Variants in THSD4 observed in about 807,000 individuals in gnomAD.
The protein encoded by THSD4 is thrombospondin type-1 domain-containing protein 4.
Under a neutral mutation model 119.0 loss-of-function variants are expected in THSD4, and 69 were observed. That is an observed-to-expected ratio of 0.58 (90% CI 0.48 to 0.71). The LOEUF is 0.71. THSD4 is among the 30% of genes least tolerant of loss of function. THSD4 has a pLI of 0.00. For synonymous variants in THSD4, 524 were observed against 540.4 expected (o/e 0.97, Z 0.42); for missense variants, 1,393 against 1,391.1 (o/e 1.00, Z -0.02).
At chr15:71,240,838 CATAT>C (rs10692341) in intron 4 of THSD4, among the ~76,000 whole-genome samples, 1 of 137,058 alleles carries the variant, frequency 7.3e-6, no homozygotes, top group African/African-American at 2.7e-5. Context: ...CACACACACA[CATAT>C]ATACATATAT....
intron 6 of THSD4, among the ~76,000 whole-genome samples, chr15:71,377,016 A>C (rs879728379): frequency 1.3e-5 from 2 of 152,154 alleles, no homozygotes; most frequent in Non-Finnish European, 2.9e-5. Flanking sequence ...AGGGACCAAA[A>C]GGAGGTGGCC....
At chr15:71,153,890 AT>A (rs2040750278) in intron 2 of THSD4, among the ~76,000 whole-genome samples, 1 of 152,212 alleles carries the variant, frequency 6.6e-6, no homozygotes, top group South Asian at 2.1e-4. Flanking sequence ...GGGCATTTAA[AT>A]TAATTGACAA....
chr15:71,157,430 C>G (rs1338098386), intron 3 of THSD4, among the ~76,000 whole-genome samples: 1 of 151,782 alleles, frequency 6.6e-6, no homozygotes, highest in East Asian at 1.9e-4. Context: ...CTAGTCACCT[C>G]ATGCATTTAT....
intron 6 of THSD4, among the ~76,000 whole-genome samples, chr15:71,301,760 C>T (rs904672654): frequency 7.9e-5 from 12 of 152,048 alleles, no homozygotes; most frequent in South Asian, 6.2e-4. Flanking sequence ...TGCAGAGTTT[C>T]GAAGTTGAGT....
intron 7 of THSD4, among the ~76,000 whole-genome samples, chr15:71,608,177 C>T (rs1039723051): frequency 1.4e-5 from 2 of 146,688 alleles, no homozygotes; most frequent in African/African-American, 2.5e-5. Flanking sequence ...GAGCTGAGAT[C>T]GCGCCACTAT....
At chr15:71,309,828 C>T (rs1416158986) in intron 6 of THSD4, among the ~76,000 whole-genome samples, 1 of 152,208 alleles carries the variant, frequency 6.6e-6, no homozygotes, top group Admixed American at 6.5e-5. Context: ...AAAAGATATA[C>T]TTGACAGAGG....
At chr15:71,258,696 T>C (rs2044352283) in intron 6 of THSD4, among the ~76,000 whole-genome samples, 1 of 152,134 alleles carries the variant, frequency 6.6e-6, no homozygotes, top group South Asian at 2.1e-4. Context: ...AAGAGTGCAC[T>C]GGGTTAAATA....
intron 6 of THSD4, among the ~76,000 whole-genome samples, chr15:71,300,761 G>A (rs1247021444): frequency 1.3e-5 from 2 of 152,104 alleles, no homozygotes; most frequent in Non-Finnish European, 2.9e-5. Context: ...ATGAGAACTC[G>A]ATTAAGTTCC....
At chr15:71,190,474 G>T (rs958473671) in intron 3 of THSD4, among the ~76,000 whole-genome samples, 1 of 152,172 alleles carries the variant, frequency 6.6e-6, no homozygotes, top group Non-Finnish European at 1.5e-5. Flanking sequence ...TCTAAGGTAC[G>T]GTTAGGGCTG....
chr15:71,215,170 C>A lies in THSD4; in HGVS notation c.235C>A (p.Pro79Thr). 7.3e-7 allele frequency: 1 copy of A among 1,367,554 alleles called. No homozygotes were observed. Among genetic ancestry groups the A allele is most frequent in the Non-Finnish European group, 9.4e-7 (1 of 1,060,416 alleles). The allele number at this position is 1,367,554 out of a possible 1,614,324, so 84.7% of individuals were successfully genotyped here. A position where few individuals can be genotyped will look rare whatever the true frequency, so the allele number is the denominator to read the frequency against. Residue 79 changes from proline to threonine, a missense_variant, in exon 4 of 18, where the codon CCC becomes ACC. Coordinates refer to ENST00000261862, the MANE Select transcript of THSD4 (RefSeq NM_024817.3). ...CGGCGGCGTGATGGAGCAGACGCGG[C>A]CCTGCCTGCCCCGCTCCTACCGCCT... ...CSGGVMEQTR[P>T]CLPRSYRLRG... is the part of the protein sequence containing the mutation.
At chr15:71,134,692 C>T (rs911820345) in intron 1 of THSD4, among the ~76,000 whole-genome samples, 1 of 152,202 alleles carries the variant, frequency 6.6e-6, no homozygotes, top group Non-Finnish European at 1.5e-5. Context: ...CCTGAGGAAT[C>T]GCCACACTGA....
chr15:71,566,317 C>G (rs150532452), intron 7 of THSD4, among the ~76,000 whole-genome samples: 34 of 151,820 alleles, frequency 2.2e-4, no homozygotes. Context: ...GTAAAAATAC[C>G]CAGAAGTCTG....
intron 13 of THSD4, 32 bp from the exon 14 acceptor site, chr15:71,748,389 G>A (rs1240298643): frequency 9.9e-6 from 16 of 1,611,536 alleles, no homozygotes; most frequent in East Asian, 2.2e-5. Context: ...TGAAGCTGCT[G>A]GTTCCCCTGA....
intron 16 of THSD4, among the ~76,000 whole-genome samples, chr15:71,770,408 A>G (rs918422749): frequency 4.0e-5 from 6 of 151,052 alleles, no homozygotes; most frequent in African/African-American, 1.2e-4. Context: ...TAATCCCAGC[A>G]CTTTGGGAGG....
At chr15:71,161,716 AAAT>A (rs2043251752) in intron 3 of THSD4, among the ~76,000 whole-genome samples, 3 of 151,592 alleles carry the variant, frequency 2.0e-5, no homozygotes, top group Admixed American at 6.6e-5. Flanking sequence ...TATTTTTTTT[AAAT>A]TAGAGCATTT....
intron 7 of THSD4, among the ~76,000 whole-genome samples, chr15:71,520,398 G>A (rs1405348150): frequency 1.3e-5 from 2 of 152,184 alleles, no homozygotes; most frequent in Non-Finnish European, 2.9e-5. Flanking sequence ...TGGAGCCTAG[G>A]AGTGACTGCT....
At chr15:71,608,368 T>G (rs540804126) in intron 7 of THSD4, among the ~76,000 whole-genome samples, 1 of 152,120 alleles carries the variant, frequency 6.6e-6, no homozygotes, top group Non-Finnish European at 1.5e-5. Flanking sequence ...CTTTCTGGAT[T>G]ATATAAATTC....
At chr15:71,756,967 T>C (rs2053550634) in intron 14 of THSD4, among the ~76,000 whole-genome samples, 1 of 152,172 alleles carries the variant, frequency 6.6e-6, no homozygotes, top group Non-Finnish European at 1.5e-5. Context: ...TGGCTTTAAG[T>C]GAAGATTTTA....
chr15:71,427,940 T>C (rs929450927), intron 7 of THSD4, among the ~76,000 whole-genome samples: 2 of 152,058 alleles, frequency 1.3e-5, no homozygotes, highest in Non-Finnish European at 2.9e-5. Context: ...CCTGGTCCTC[T>C]TACCCAAGAG....
Sources: gnomAD v4.1 joint callset for allele counts (sites outside exome capture counted in the v4.1 genomes callset) on GRCh38, gnomAD v4.1.1 for gene constraint, MANE v1.5 for transcripts, NCBI Gene and HGNC (gene_info 2026-07-23, HGNC 2026-07-21) for gene names.